Variants in COQ6 observed in about 807,000 individuals in gnomAD.
The protein encoded by COQ6 is coenzyme Q6, monooxygenase, also known as ubiquinone biosynthesis monooxygenase COQ6, mitochondrial.
COQ6 carries 45 observed loss-of-function variants against 55.5 expected under a neutral mutation model. The observed-to-expected ratio is 0.81, with a 90% confidence interval of 0.64 to 1.04. The LOEUF (loss-of-function observed/expected upper bound fraction) is 1.04. Among genes scored for constraint, COQ6 ranks in the 50% least tolerant of loss-of-function variants. The pLI is 0.00. For synonymous variants in COQ6, 206 were observed against 230.5 expected, an observed-to-expected ratio of 0.89 and a Z score of 0.96; for missense variants, 550 against 601.3, an observed-to-expected ratio of 0.91 and a Z score of 0.89.
chr14:73,957,556 G>T (rs114800916), intron 4 of COQ6, among the ~76,000 whole-genome samples: 2,263 of 152,128 alleles, frequency 0.015, 54 homozygotes, highest in African/African-American at 0.051. Context: ...TCTCACCTCA[G>T]CCTCCTGACT....
intron 8 of COQ6, chr14:73,960,056 G>C (rs2056640647): frequency 1.0e-6 from 1 of 1,003,502 alleles, no homozygotes; most frequent in Non-Finnish European, 1.2e-6. Context: ...ACAGCTGCCT[G>C]GGTGGTGGTT....
At chr14:73,954,492 T>C (rs964493923) in intron 2 of COQ6, among the ~76,000 whole-genome samples, 8 of 152,228 alleles carry the variant, frequency 5.3e-5, no homozygotes, top group African/African-American at 1.9e-4. Context: ...AAAATAATTT[T>C]TTAAAAATTG....
At position 73,961,469 on chromosome 14, in the gene COQ6, G is replaced by A. The variant is rs201792780; in HGVS notation, c.1109G>A (p.Arg370Lys). Residue 370 changes from arginine (R) to lysine (K), a missense_variant, in exon 10 of 12, where the codon AGA becomes AAA. Arg to Lys is a conservative substitution (Grantham distance 26, BLOSUM62 2). Transcript: ENST00000334571. Reference sequence around the variant, plus strand: ...TTTATTCTTAGGGATGCAGCCCACAGAGTCCATCCGCTTGCAGGACAGGGT... The same window carrying A: ...TTTATTCTTAGGGATGCAGCCCACAAAGTCCATCCGCTTGCAGGACAGGGT... The part of the protein sequence containing the change: ...RVALIGDAAH[R>K]VHPLAGQGVN... 24 of 1,614,208 alleles carry A rather than the reference G, an allele frequency of 1.5e-5. No homozygotes were observed. In the African/African-American group the frequency reaches 1.7e-4, roughly 12 times the overall value.
Position 73,956,172 on chromosome 14 carries a change from G to A in COQ6, c.481+244G>A, listed in dbSNP as rs147209946. The stretch of plus-strand genomic sequence containing the variant: ...ACCCTGTCTCTACTAAAAATACAAA[G>A]AAACAATTAGCCAGGCATGGTGGCG... On this transcript the variant is annotated intron_variant, in intron 4 of 11. Coordinates refer to ENST00000334571, the MANE Select transcript of COQ6 (RefSeq NM_182476.3). 112 of 416,698 alleles carry A rather than the reference G, an allele frequency of 2.7e-4. 1 individual carries two copies. In the Middle Eastern group the frequency reaches 4.8e-3, roughly 18 times the overall value. 25.8% of individuals were successfully genotyped at this position (416,698 alleles called of 1,614,324 possible).
At chr14:73,953,666 A>T in intron 2 of COQ6, 97 bp downstream of exon 2, 1 of 1,518,732 alleles carries the variant, frequency 6.6e-7, no homozygotes, top group South Asian at 1.1e-5. Context: ...TCTGACAAGG[A>T]GGGAGCTCAC....
At chr14:73,950,061 C>T, upstream of COQ6, 1 of 1,609,712 alleles carries the variant, frequency 6.2e-7, no homozygotes. Flanking sequence ...ACAGTGACAG[C>T]GATAGTGGCA....
intron 1 of COQ6, among the ~76,000 whole-genome samples, chr14:73,951,707 G>A (rs1480996815): frequency 1.4e-5 from 2 of 142,602 alleles, no homozygotes; most frequent in African/African-American, 5.2e-5. Context: ...TTTTATATGT[G>A]ACCCAAGACA....
At chr14:73,950,770 C>G (rs2056160266) in intron 1 of COQ6, among the ~76,000 whole-genome samples, 1 of 152,188 alleles carries the variant, frequency 6.6e-6, no homozygotes, top group Non-Finnish European at 1.5e-5. Flanking sequence ...TCCAGTTTCT[C>G]CAGATCCTGG....
upstream of COQ6, chr14:73,950,209 C>T (rs2056129773): frequency 6.5e-7 from 1 of 1,543,876 alleles, no homozygotes; most frequent in African/African-American, 1.4e-5. Flanking sequence ...CTATTTTCTC[C>T]GCGCATTTTA....
In COQ6 at chr14:73,963,228, A is replaced by G. The variant is rs1166661958; in HGVS notation, c.*229A>G. On this transcript the variant is annotated 3_prime_UTR_variant, in exon 12 of 12. Transcript: ENST00000334571. ...GAAAAAACTTCGAAGGAAGACTTAC[A>G]ATTTGGTTGAAAAGAGCTTTTTATT... 1.7e-6 allele frequency: 1 copy of G among 577,778 alleles called. No homozygotes were observed. The allele number at this position is 577,778 out of a possible 1,614,324, so 35.8% of individuals were successfully genotyped here. A position where few individuals can be genotyped will look rare whatever the true frequency, so the allele number is the denominator to read the frequency against.
Position 73,950,434 on chromosome 14 carries a change from C to A in COQ6, c.102C>A (p.Thr34=). Residue 34 remains threonine, a synonymous_variant, in exon 1 of 12, where the codon ACC becomes ACA. Transcript: ENST00000334571. The part of the protein sequence containing the change: ...WRRWSGASTD[T]VYDVVVSGGG... ...GGTGGTCCGGCGCCTCAACAGACAC[C>A]GTGTATGACGTGGTGGTGTCGGGTG... 1 of 1,607,862 alleles carries A rather than the reference C, an allele frequency of 6.2e-7. No individual in the cohort carries two copies. Among genetic ancestry groups the A allele is most frequent in the East Asian group, 2.2e-5 (1 of 44,644 alleles).
rs2056224343 is a variant in COQ6, at chr14:73,952,114, C to CG, written c.164-1321_164-1320insG. Reference sequence around the variant, plus strand: ...TCACTGTCTGTATGGCTGGAGCTAACTTTTTTTTTTTTTTTTTTTTTTTTT... The same window carrying CG: ...TCACTGTCTGTATGGCTGGAGCTAACGTTTTTTTTTTTTTTTTTTTTTTTTT... On this transcript the variant is annotated intron_variant, in intron 1 of 11. Coordinates refer to ENST00000334571, the MANE Select transcript of COQ6 (RefSeq NM_182476.3). Among the ~76,000 whole-genome samples the CG allele has an allele frequency of 5.4e-5, 4 of 73,784 alleles. No individual in the cohort carries two copies. In the East Asian group the frequency reaches 1.8e-3, roughly 33 times the overall value. 48.4% of individuals were successfully genotyped at this position (73,784 alleles called of 152,430 possible). A position where few individuals can be genotyped will look rare whatever the true frequency, so the allele number is the denominator to read the frequency against.
chr14:73,950,337 C>G lies in COQ6; in HGVS notation c.5C>G (p.Ala2Gly). 1.3e-6 allele frequency: 2 copies of G among 1,550,910 alleles called. No individual in the cohort carries two copies. Among genetic ancestry groups the G allele is most frequent in the Non-Finnish European group, 1.7e-6 (2 of 1,151,020 alleles). M[A>G]ARLVSRCGAV... ...GCGACGGCGCAGGTCTGCACCATGG[C>G]GGCCCGGCTTGTCAGCCGATGCGGG... Residue 2 changes from alanine to glycine, a missense_variant, in exon 1 of 12, where the codon GCG becomes GGG. Physicochemically the swap from Ala to Gly is moderately conservative, Grantham distance 60. Transcript: ENST00000334571.
chr14:73,961,148 T>C (rs370696842), intron 8 of COQ6, 25 bp from the exon 9 acceptor site: 56 of 1,610,590 alleles, frequency 3.5e-5, no homozygotes, highest in South Asian at 4.4e-5. Flanking sequence ...TTCACCTTGT[T>C]TGTCTTGTGG....
intron 2 of COQ6, among the ~76,000 whole-genome samples, chr14:73,954,275 A>G (rs908758588): frequency 1.3e-5 from 2 of 152,150 alleles, no homozygotes; most frequent in Non-Finnish European, 2.9e-5. Context: ...TCCTCAATGA[A>G]TAAATCTGTT....
intron 1 of COQ6, among the ~76,000 whole-genome samples, chr14:73,953,206 C>T (rs568807450): frequency 1.3e-5 from 2 of 152,092 alleles, no homozygotes; most frequent in Non-Finnish European, 2.9e-5. Flanking sequence ...CTTCTTGGCA[C>T]GTGGCATGTA....
rs767940412 is a variant in COQ6 at position 73,961,198 on chromosome 14, T to C, written c.917T>C (p.Phe306Ser). Reference sequence around the variant, plus strand: ...TGGAGTGATGCTGACCACACGGACTTCATCGACACAGCTGGTGCCATGCTG... The same window carrying C: ...TGGAGTGATGCTGACCACACGGACTCCATCGACACAGCTGGTGCCATGCTG... ...AFWSDADHTDFIDTAGAMLQY... is the reference protein window; with the variant it reads ...AFWSDADHTDSIDTAGAMLQY... Residue 306 changes from phenylalanine (F) to serine (S), a missense_variant, in exon 9 of 12, where the codon TTC becomes TCC. Transcript: ENST00000334571. 90 of 1,613,892 alleles carry C rather than the reference T, an allele frequency of 5.6e-5. No individual in the cohort carries two copies. The highest frequency in any genetic ancestry group is 2.5e-4 in the Admixed American group (15 of 59,964).
intron 8 of COQ6, chr14:73,959,969 C>T (rs2072291): frequency 0.67 from 721,034 of 1,071,870 alleles, 243,226 homozygotes; most frequent in South Asian, 0.74. Flanking sequence ...GAGGAGTGTA[C>T]ACACGGAAAT....
Position 73,953,501 on chromosome 14 carries a change from A to C in COQ6, c.230A>C (p.Glu77Ala). Residue 77 changes from glutamate to alanine, a missense_variant, in exon 2 of 12, where the codon GAG becomes GCG. Transcript: ENST00000334571. ...LLEAGPKKVL[E>A]KLSETYSNRV... ...GAAGCAGGTCCAAAGAAAGTACTGG[A>C]GAAATTGTCAGAAACTTACAGCAAC... is the stretch of plus-strand genomic sequence containing the variant. The C allele has an allele frequency of 2.5e-6, 4 of 1,614,162 alleles. No individual in the cohort carries two copies. The highest frequency in any genetic ancestry group is 3.4e-6 in the Non-Finnish European group (4 of 1,180,000).
Sources: allele counts gnomAD v4.1 joint callset (sites outside exome capture counted in the v4.1 genomes callset), GRCh38; gene constraint gnomAD v4.1.1; transcripts MANE v1.5; gene names NCBI Gene and HGNC (gene_info 2026-07-23, HGNC 2026-07-21).